PTCHD4: variants seen among roughly 807,000 people sequenced by gnomAD.
PTCHD4 encodes patched domain containing 4, also known as patched domain-containing protein 4.
In PTCHD4, 33 loss-of-function variants were observed where a neutral mutation model predicts 58.1. That is an observed-to-expected ratio of 0.57 (90% CI 0.43 to 0.76). The LOEUF (loss-of-function observed/expected upper bound fraction) is 0.76. PTCHD4 is among the 30% of genes least tolerant of loss of function. The pLI, the probability that PTCHD4 is intolerant of heterozygous loss-of-function variation, is 0.00. For missense variants in PTCHD4, 1,058 were observed against 1,027.1 expected, an observed-to-expected ratio of 1.03 and a Z score of -0.41; for synonymous variants, 478 against 409.6, an observed-to-expected ratio of 1.17 and a Z score of -2.02.
At chr6:48,003,347 A>G (rs1258079544) in intron 4 of PTCHD4, among the ~76,000 whole-genome samples, 3 of 152,066 alleles carry the variant, frequency 2.0e-5, no homozygotes, top group Admixed American at 2.0e-4. Flanking sequence ...TCCTCTCATG[A>G]CTTCACTACT....
At chr6:47,924,252 A>G (rs183398847) in intron 4 of PTCHD4, among the ~76,000 whole-genome samples, 1 of 152,192 alleles carries the variant, frequency 6.6e-6, no homozygotes, top group East Asian at 1.9e-4. Context: ...TGCCCAGTGT[A>G]ACTGAGTCAT....
intron 1 of PTCHD4, among the ~76,000 whole-genome samples, chr6:48,092,987 T>C (rs1206795570): frequency 6.6e-6 from 1 of 152,216 alleles, no homozygotes; most frequent in African/African-American, 2.4e-5. Context: ...TTATTCTCTT[T>C]TACTATCTGG....
At chr6:47,951,920 C>T (rs1766669080) in intron 4 of PTCHD4, among the ~76,000 whole-genome samples, 1 of 151,764 alleles carries the variant, frequency 6.6e-6, no homozygotes, top group South Asian at 2.1e-4. Context: ...ACTGAAGTTA[C>T]CTCAAAGTTC....
At chr6:47,897,686 G>A (rs1051086572) in intron 4 of PTCHD4, among the ~76,000 whole-genome samples, 10 of 152,068 alleles carry the variant, frequency 6.6e-5, no homozygotes, top group African/African-American at 2.2e-4. Context: ...AGGACTTTGG[G>A]CAACACTGTG....
intron 4 of PTCHD4, among the ~76,000 whole-genome samples, chr6:47,954,248 T>G (rs534714821): frequency 2.0e-5 from 3 of 152,238 alleles, no homozygotes; most frequent in Non-Finnish European, 4.4e-5. Context: ...TCCCAGCTAC[T>G]CTGGAGGCTG....
At chr6:48,040,316 T>G (rs1763798963) in intron 3 of PTCHD4, among the ~76,000 whole-genome samples, 1 of 152,082 alleles carries the variant, frequency 6.6e-6, no homozygotes, top group Admixed American at 6.6e-5. Flanking sequence ...TGAAGTGCAA[T>G]AATGGATCCC....
At chr6:48,053,755 A>G (rs145965620) in intron 3 of PTCHD4, among the ~76,000 whole-genome samples, 44 of 152,294 alleles carry the variant, frequency 2.9e-4, no homozygotes, top group African/African-American at 9.6e-4. Flanking sequence ...TTAAGACACC[A>G]TATTTCTAGC....
chr6:47,860,005 C>T lies in PTCHD4; in HGVS notation c.*18298G>A, dbSNP rs1763386552. Among the ~76,000 whole-genome samples the T allele has an allele frequency of 6.6e-6, 1 of 151,998 alleles. No individual in the cohort carries two copies. Among genetic ancestry groups the T allele is most frequent in the Non-Finnish European group, 1.5e-5 (1 of 67,968 alleles). On this transcript the variant is annotated 3_prime_UTR_variant, in exon 5 of 5. Transcript: ENST00000339488. ...CTTCCCCTCTTTCGTGAATCTCCCA[C>T]CCAAGTTAATGTCTGTGAAGAGATG...
Position 47,857,805 on chromosome 6 carries a change from G to C in PTCHD4, c.*20498C>G, listed in dbSNP as rs1479202961. On this transcript the variant is annotated 3_prime_UTR_variant, in exon 5 of 5. Coordinates refer to ENST00000339488, the MANE Select transcript of PTCHD4 (RefSeq NM_001384253.1). The stretch of plus-strand genomic sequence containing the variant: ...GCACACAGGTATTAAACATACAAAT[G>C]ATTGGCATTAAACATTCTTTTTACA... 6.6e-6 allele frequency among the ~76,000 whole-genome samples: 1 copy of C among 151,910 alleles called. No individual in the cohort carries two copies.
At chr6:48,048,303 T>C (rs964463091) in intron 3 of PTCHD4, among the ~76,000 whole-genome samples, 1 of 151,982 alleles carries the variant, frequency 6.6e-6, no homozygotes, top group Non-Finnish European at 1.5e-5. Context: ...AAATGTCATC[T>C]ATTTTCTACT....
intron 4 of PTCHD4, among the ~76,000 whole-genome samples, chr6:47,881,107 C>T (rs1263517990): frequency 6.6e-6 from 1 of 152,110 alleles, no homozygotes; most frequent in Non-Finnish European, 1.5e-5. Flanking sequence ...TAGACAAAGA[C>T]ATAGCTGAAA....
At chr6:48,037,404 G>A (rs1227951401) in intron 3 of PTCHD4, among the ~76,000 whole-genome samples, 3 of 152,100 alleles carry the variant, frequency 2.0e-5, no homozygotes, top group Non-Finnish European at 2.9e-5. Context: ...GTGGATAAGC[G>A]GGAACTACTG....
At chr6:47,883,715 G>C (rs1053579130) in intron 4 of PTCHD4, among the ~76,000 whole-genome samples, 2 of 152,054 alleles carry the variant, frequency 1.3e-5, no homozygotes, top group Admixed American at 1.3e-4. Flanking sequence ...TATTGTCGGG[G>C]ACTGTCATGA....
chr6:47,983,269 A>G (rs1767950362), intron 4 of PTCHD4, among the ~76,000 whole-genome samples: 2 of 152,186 alleles, frequency 1.3e-5, no homozygotes, highest in Admixed American at 6.5e-5. Flanking sequence ...CTGCAGTAGA[A>G]AAATGAATTT....
intron 4 of PTCHD4, among the ~76,000 whole-genome samples, chr6:47,909,575 G>A (rs1444680977): frequency 6.6e-6 from 1 of 151,994 alleles, no homozygotes; most frequent in Non-Finnish European, 1.5e-5. Flanking sequence ...GGCCTCTTGA[G>A]TAACTAGAAC....
chr6:48,054,876 T>C (rs1764354051), intron 3 of PTCHD4, among the ~76,000 whole-genome samples: 2 of 152,160 alleles, frequency 1.3e-5, no homozygotes, highest in Non-Finnish European at 2.9e-5. Flanking sequence ...ATTCTGAGTT[T>C]ATATTAATAT....
At chr6:47,928,437 C>T (rs1032488128) in intron 4 of PTCHD4, among the ~76,000 whole-genome samples, 2 of 152,172 alleles carry the variant, frequency 1.3e-5, no homozygotes, top group Admixed American at 6.5e-5. Context: ...AAAAAAGTCT[C>T]CCTAAACTAC....
chr6:47,962,245 T>C (rs757311738), intron 4 of PTCHD4, among the ~76,000 whole-genome samples: 117 of 152,300 alleles, frequency 7.7e-4, no homozygotes, highest in Admixed American at 1.1e-3. Flanking sequence ...TCTTGTTCAA[T>C]CTATATGGCC....
intron 1 of PTCHD4, among the ~76,000 whole-genome samples, chr6:48,085,792 C>T (rs1466061407): frequency 6.6e-6 from 1 of 152,170 alleles, no homozygotes; most frequent in African/African-American, 2.4e-5. Context: ...ATTCCATTTA[C>T]AATTTTCTAT....
Sources: allele counts gnomAD v4.1 joint callset (sites outside exome capture counted in the v4.1 genomes callset), GRCh38; gene constraint gnomAD v4.1.1; transcripts MANE v1.5; gene names NCBI Gene and HGNC (gene_info 2026-07-23, HGNC 2026-07-21).